The following IMMP2L variants were observed in gnomAD, a reference collection of about 807,000 sequenced individuals.
IMMP2L encodes the protein inner mitochondrial membrane peptidase subunit 2.
In IMMP2L, 18 loss-of-function variants were observed where a neutral mutation model predicts 19.3. The observed-to-expected ratio is 0.93, with a 90% confidence interval of 0.64 to 1.38. The LOEUF (loss-of-function observed/expected upper bound fraction) is 1.38. Among genes scored for constraint, IMMP2L ranks in the 40% most tolerant of loss-of-function variants. The pLI is 0.00. For missense variants in IMMP2L, 233 were observed against 218.2 expected (o/e 1.07, Z -0.43); for synonymous variants, 76 against 73.0 (o/e 1.04, Z -0.21).
At chr7:110,994,840 G>A (rs763815417) in intron 3 of IMMP2L, among the ~76,000 whole-genome samples, 1 of 152,122 alleles carries the variant, frequency 6.6e-6, no homozygotes, top group Non-Finnish European at 1.5e-5. Flanking sequence ...ACAGCAAGAA[G>A]GAGTTAAGCT....
At chr7:111,000,819 G>C (rs991463215) in intron 3 of IMMP2L, among the ~76,000 whole-genome samples, 5 of 149,714 alleles carry the variant, frequency 3.3e-5, no homozygotes, top group African/African-American at 1.2e-4. Flanking sequence ...ACTCCAGCCT[G>C]GGCAACAGAG....
intron 3 of IMMP2L, among the ~76,000 whole-genome samples, chr7:111,370,830 A>G (rs1352191697): frequency 6.6e-6 from 1 of 151,962 alleles, no homozygotes; most frequent in African/African-American, 2.4e-5. Flanking sequence ...AGTTTTATTT[A>G]AAGATAAATA....
intron 1 of IMMP2L, among the ~76,000 whole-genome samples, chr7:111,547,460 C>T (rs1001280856): frequency 6.6e-6 from 1 of 151,734 alleles, no homozygotes; most frequent in African/African-American, 2.4e-5. Flanking sequence ...GTTCACTCAA[C>T]AACTGTACTC....
chr7:110,962,419 C>T (rs1308096364), intron 4 of IMMP2L: 1 of 148,950 alleles, frequency 6.7e-6, no homozygotes, highest in Non-Finnish European at 1.5e-5. Context: ...CAAAAGCAAA[C>T]AATAAATAGT....
At chr7:111,155,972 T>A (rs1295011043) in intron 3 of IMMP2L, among the ~76,000 whole-genome samples, 1 of 152,124 alleles carries the variant, frequency 6.6e-6, no homozygotes, top group Non-Finnish European at 1.5e-5. Flanking sequence ...TACATACTAT[T>A]TTGTGTTTGA....
At chr7:111,355,305 ACAT>A (rs1404674545) in intron 3 of IMMP2L, among the ~76,000 whole-genome samples, 1 of 151,894 alleles carries the variant, frequency 6.6e-6, no homozygotes, top group Non-Finnish European at 1.5e-5. Context: ...CTAATGCATG[ACAT>A]CAGTTTGGTG....
intron 3 of IMMP2L, among the ~76,000 whole-genome samples, chr7:111,084,838 G>T (rs1011470713): frequency 6.6e-6 from 1 of 152,140 alleles, no homozygotes; most frequent in Admixed American, 6.6e-5. Context: ...AGCAAATATT[G>T]ATAGCTCTTC....
chr7:111,355,632 C>T (rs979235354), intron 3 of IMMP2L, among the ~76,000 whole-genome samples: 4 of 151,736 alleles, frequency 2.6e-5, no homozygotes, highest in Non-Finnish European at 4.4e-5. Flanking sequence ...AATAGAAAAA[C>T]CTTCTGGTCA....
At chr7:110,957,997 T>C (rs1165046932) in intron 4 of IMMP2L, among the ~76,000 whole-genome samples, 1 of 151,992 alleles carries the variant, frequency 6.6e-6, no homozygotes, top group Non-Finnish European at 1.5e-5. Flanking sequence ...GTCTCTTCTG[T>C]TCACTTACGT....
intron 2 of IMMP2L, among the ~76,000 whole-genome samples, chr7:111,511,646 T>C (rs116008340): frequency 0.023 from 3,175 of 138,796 alleles, 133 homozygotes; most frequent in African/African-American, 0.081. Context: ...CTCCCTCTGT[T>C]GAACAAAAAA....
intron 3 of IMMP2L, among the ~76,000 whole-genome samples, chr7:111,450,882 A>C (rs969414223): frequency 6.6e-6 from 1 of 151,340 alleles, no homozygotes; most frequent in African/African-American, 2.4e-5. Flanking sequence ...AAACAACCCC[A>C]TCAAAAAGTG....
At chr7:111,329,259 G>C (rs981850307) in intron 3 of IMMP2L, among the ~76,000 whole-genome samples, 2 of 151,464 alleles carry the variant, frequency 1.3e-5, no homozygotes, top group Non-Finnish European at 1.5e-5. Flanking sequence ...AAAAGAAACA[G>C]AAACAGGAAG....
intron 3 of IMMP2L, among the ~76,000 whole-genome samples, chr7:111,183,018 GT>G (rs1446514831): frequency 6.6e-6 from 1 of 151,926 alleles, no homozygotes; most frequent in East Asian, 1.9e-4. Context: ...CATTTTTAAA[GT>G]TTAAGTATTA....
At chr7:111,142,325 CAAAAAAA>C (rs761556733) in intron 3 of IMMP2L, among the ~76,000 whole-genome samples, 60 of 62,446 alleles carry the variant, frequency 9.6e-4, no homozygotes, top group African/African-American at 3.2e-3. Context: ...GACTCTGTCT[CAAAAAAA>C]AAAAAAAAAA....
rs143206230 is a variant in IMMP2L at position 110,685,724 on chromosome 7, T to TC, written c.409-22004dup. On this transcript the variant is annotated intron_variant, in intron 5 of 5. Transcript: ENST00000405709. The stretch of plus-strand genomic sequence containing the variant: ...GTTGCTGTTATGTTTCATTTTTTTT[T>TC]CTGACACAAAGCTGGGCTTTGAAGG... 7.4e-3 allele frequency among the ~76,000 whole-genome samples: 1,121 copies of TC among 152,212 alleles called. 12 individuals carry two copies. Among genetic ancestry groups the TC allele is most frequent in the Non-Finnish European group, 0.012 (785 of 67,996 alleles).
chr7:111,303,341 C>T (rs1822473022), intron 3 of IMMP2L, among the ~76,000 whole-genome samples: 1 of 152,116 alleles, frequency 6.6e-6, no homozygotes, highest in African/African-American at 2.4e-5. Flanking sequence ...GAAAATCACA[C>T]AGACATCAGA....
intron 4 of IMMP2L, among the ~76,000 whole-genome samples, chr7:110,922,166 A>G (rs1236695058): frequency 6.6e-6 from 1 of 152,238 alleles, no homozygotes; most frequent in Non-Finnish European, 1.5e-5. Flanking sequence ...AGAAGCATTT[A>G]AAGAACTGTA....
intron 3 of IMMP2L, among the ~76,000 whole-genome samples, chr7:111,260,383 A>G (rs1000181307): frequency 6.6e-6 from 1 of 152,182 alleles, no homozygotes; most frequent in African/African-American, 2.4e-5. Flanking sequence ...TAACTGAAAC[A>G]TCATTATGTG....
At chr7:111,473,434 T>A (rs1468031951) in intron 3 of IMMP2L, among the ~76,000 whole-genome samples, 1 of 152,172 alleles carries the variant, frequency 6.6e-6, no homozygotes, top group Admixed American at 6.5e-5. Context: ...CTTTACCACA[T>A]CCTTAAAAGT....
Sources: allele counts gnomAD v4.1 joint callset (sites outside exome capture counted in the v4.1 genomes callset), GRCh38; gene constraint gnomAD v4.1.1; transcripts MANE v1.5; gene names NCBI Gene and HGNC (gene_info 2026-07-23, HGNC 2026-07-21).